VAV2: variants seen among roughly 807,000 people sequenced by gnomAD.
VAV2 encodes the protein vav guanine nucleotide exchange factor 2, also known as guanine nucleotide exchange factor VAV2.
A neutral mutation model predicts 132.5 loss-of-function variants in VAV2; 67 were observed. That is an observed-to-expected ratio of 0.51 (90% confidence interval 0.42 to 0.62). The LOEUF (loss-of-function observed/expected upper bound fraction) is 0.62, where lower values mean the gene tolerates loss of function less well. VAV2 is among the 20% of genes least tolerant of loss of function. The probability of loss-of-function intolerance (pLI) is 0.00; values close to 1 mark genes in which losing one functional copy is unlikely to be tolerated. For synonymous variants in VAV2, 492 were observed against 443.5 expected, an observed-to-expected ratio of 1.11 and a Z score of -1.37; for missense variants, 938 against 1,153.6, an observed-to-expected ratio of 0.81 and a Z score of 2.71.
chr9:133,924,404 C>T (rs1402601428), intron 2 of VAV2, among the ~76,000 whole-genome samples: 1 of 152,186 alleles, frequency 6.6e-6, no homozygotes, highest in African/African-American at 2.4e-5. Flanking sequence ...CCAGGCTGGT[C>T]TCGAACTCCT....
rs897057211 is a variant in VAV2 at position 133,833,100 on chromosome 9, T to C, written c.449+1172A>G. On this transcript the variant is annotated intron_variant, in intron 4 of 29. Coordinates refer to ENST00000371850, the MANE Select transcript of VAV2 (RefSeq NM_001134398.2). The surrounding 1 kb of genome is among the most constrained non-coding windows in gnomAD (Gnocchi z 5.6). ...GCCCAGCATCAAAGGGATGGGCTGG[T>C]GGCAGCTACTCCAGCTGGTGGGTGA... Among the ~76,000 whole-genome samples, 38 of 152,158 alleles carry C rather than the reference T, an allele frequency of 2.5e-4. No individual in the cohort carries two copies. The highest frequency in any genetic ancestry group is 8.9e-4 in the African/African-American group (37 of 41,444).
intron 9 of VAV2, among the ~76,000 whole-genome samples, chr9:133,800,485 C>G (rs934959495): frequency 6.6e-6 from 1 of 152,204 alleles, no homozygotes; most frequent in Non-Finnish European, 1.5e-5. Flanking sequence ...CGCTCGGGCC[C>G]GAGGGACACC....
At chr9:133,930,642 C>G (rs930713473) in intron 2 of VAV2, among the ~76,000 whole-genome samples, 8 of 152,220 alleles carry the variant, frequency 5.3e-5, no homozygotes, top group Admixed American at 1.3e-4. Flanking sequence ...TCCACTGTAC[C>G]GCAGAGCACA....
At chr9:133,849,468 G>A (rs1013034645) in intron 3 of VAV2, among the ~76,000 whole-genome samples, 2 of 152,226 alleles carry the variant, frequency 1.3e-5, no homozygotes, top group African/African-American at 4.8e-5. Flanking sequence ...CTGAGGAGGC[G>A]TGGCTGAGGG....
intron 1 of VAV2, among the ~76,000 whole-genome samples, chr9:133,977,178 A>G (rs1347599524): frequency 6.6e-6 from 1 of 152,204 alleles, no homozygotes; most frequent in Non-Finnish European, 1.5e-5. Context: ...CTTCAGGCAG[A>G]GTGAGGCCCC....
intron 29 of VAV2, among the ~76,000 whole-genome samples, chr9:133,766,796 C>CA (rs902320775): frequency 4.3e-5 from 4 of 92,700 alleles, no homozygotes; most frequent in African/African-American, 8.6e-5. Flanking sequence ...ATCCCAAAAA[C>CA]AAAAAAACAA....
In VAV2 at chr9:133,783,717, C is replaced by T. The variant is rs1031945971; in HGVS notation, c.1635-126G>A. The T allele has an allele frequency of 2.4e-5, 19 of 791,344 alleles. No homozygotes were observed. The East Asian group carries it at 4.3e-4, about 18-fold the overall frequency. 49.0% of individuals were successfully genotyped at this position (791,344 alleles called of 1,614,324 possible). On this transcript the variant is annotated intron_variant, in intron 18 of 29. Transcript: ENST00000371850. ...TGGCTGTCTCCCAGCACACACATCC[C>T]TCATAGCCCTGAGTATCCAGGACCC...
In VAV2 at chr9:133,970,175, C is replaced by G. The variant is rs534229650; in HGVS notation, c.204+21900G>C. Among the ~76,000 whole-genome samples, 4 of 152,306 alleles carry G rather than the reference C, an allele frequency of 2.6e-5. No individual in the cohort carries two copies. The South Asian group carries it at 8.3e-4, about 32-fold the overall frequency. ...GAAGGAGAGACCGAGTCTCAACCAT[C>G]TCTCCCTTGCCCCAAGGGCCAATCA... On this transcript the variant is annotated intron_variant, in intron 1 of 29. Coordinates refer to ENST00000371850, the MANE Select transcript of VAV2 (RefSeq NM_001134398.2).
At chr9:133,805,632 A>G (rs1417434043) in intron 9 of VAV2, among the ~76,000 whole-genome samples, 1 of 147,970 alleles carries the variant, frequency 6.8e-6, no homozygotes, top group South Asian at 2.2e-4. Flanking sequence ...CCTGGGCGTC[A>G]TCTAAGCCCC....
chr9:133,848,152 C>T (rs901989977), intron 3 of VAV2, among the ~76,000 whole-genome samples: 1 of 150,812 alleles, frequency 6.6e-6, no homozygotes, highest in African/African-American at 2.4e-5. Context: ...TAGTGGCGGG[C>T]GCCTGTAGTT....
chr9:133,978,268 T>G (rs1326001436), intron 1 of VAV2, among the ~76,000 whole-genome samples: 1 of 152,126 alleles, frequency 6.6e-6, no homozygotes, highest in African/African-American at 2.4e-5. Context: ...CCTCTCCTAC[T>G]CCAGCCACTG....
chr9:133,766,520 A>C (rs941391109), intron 29 of VAV2, among the ~76,000 whole-genome samples: 3 of 152,134 alleles, frequency 2.0e-5, no homozygotes, highest in Admixed American at 6.5e-5. Context: ...AACTATCACA[A>C]GGACAAAAAA....
intron 1 of VAV2, among the ~76,000 whole-genome samples, chr9:133,964,198 A>G (rs775995369): frequency 6.6e-6 from 1 of 150,946 alleles, no homozygotes; most frequent in Non-Finnish European, 1.5e-5. Flanking sequence ...TCTCTACAAA[A>G]CATACAAAAA....
intron 2 of VAV2, among the ~76,000 whole-genome samples, chr9:133,931,212 C>T (rs1351919882): frequency 6.6e-6 from 1 of 152,194 alleles, no homozygotes; most frequent in Non-Finnish European, 1.5e-5. Flanking sequence ...TGGGCCAGAG[C>T]TGAGTAAGGG....
rs1833517478 is a variant in VAV2 at position 133,768,674 on chromosome 9, T to A, written c.2435-78A>T. 1 of 1,529,228 alleles carries A rather than the reference T, an allele frequency of 6.5e-7. No homozygotes were observed. The highest frequency in any genetic ancestry group is 1.4e-5 in the African/African-American group (1 of 73,052). The allele number at this position is 1,529,228 out of a possible 1,614,324, so 94.7% of individuals were successfully genotyped here. On this transcript the variant is annotated intron_variant, in intron 28 of 29. Coordinates refer to ENST00000371850, the MANE Select transcript of VAV2 (RefSeq NM_001134398.2). This position sits in a 1 kb window ranked among gnomAD's most constrained non-coding sequence, Gnocchi z 5.3. Reference sequence around the variant, plus strand: ...GATCCAGGAGGCCCTTGGGCCAAGCTGGGTCTCTCCCCTGGTGCCCAGAAC... The same window carrying A: ...GATCCAGGAGGCCCTTGGGCCAAGCAGGGTCTCTCCCCTGGTGCCCAGAAC...
At chr9:133,940,234 A>G (rs1474151753) in intron 1 of VAV2, among the ~76,000 whole-genome samples, 1 of 152,074 alleles carries the variant, frequency 6.6e-6, no homozygotes, top group Non-Finnish European at 1.5e-5. Flanking sequence ...GGGGTGTGGG[A>G]GCCATCAGCC....
chr9:133,927,916 A>AC (rs915832719), intron 2 of VAV2: 1 of 151,872 alleles, frequency 6.6e-6, no homozygotes, highest in Non-Finnish European at 1.5e-5. Flanking sequence ...TGAGGCAAAG[A>AC]CCCATAGGCT....
rs1409784212 is a variant in VAV2, at chr9:133,768,727, G to A, written c.2435-131C>T. ...TGCTCTGTACCCAGAGAGGAAGGATGTCAAGCAGAAAGGCTCTGGAGGGAC... is the reference window on the plus strand; with the variant it reads ...TGCTCTGTACCCAGAGAGGAAGGATATCAAGCAGAAAGGCTCTGGAGGGAC... On this transcript the variant is annotated intron_variant, in intron 28 of 29. Transcript: ENST00000371850. This position sits in a 1 kb window ranked among gnomAD's most constrained non-coding sequence, Gnocchi z 5.3. 2.4e-6 allele frequency: 3 copies of A among 1,225,756 alleles called. No individual in the cohort carries two copies. Among genetic ancestry groups the A allele is most frequent in the Non-Finnish European group, 3.3e-6 (3 of 904,652 alleles). The allele number at this position is 1,225,756 out of a possible 1,614,324, so 75.9% of individuals were successfully genotyped here.
rs557180428 is a variant in VAV2, at chr9:133,801,478, ACT to A, written c.837-3671_837-3670del. The stretch of plus-strand genomic sequence containing the variant: ...CAGGGTGACGCCTCTGCAGAGGGAC[ACT>A]CTCTCTCCGTGGAGTCCAGAAGGAC... On this transcript the variant is annotated intron_variant, in intron 9 of 29. Coordinates refer to ENST00000371850, the MANE Select transcript of VAV2 (RefSeq NM_001134398.2). Among the ~76,000 whole-genome samples, 375 of 152,032 alleles carry A rather than the reference ACT, an allele frequency of 2.5e-3. 4 individuals are homozygous for A. Among genetic ancestry groups the A allele is most frequent in the African/African-American group, 8.6e-3 (358 of 41,464 alleles).
Sources: gnomAD v4.1 joint callset for allele counts (sites outside exome capture counted in the v4.1 genomes callset) on GRCh38, gnomAD v4.1.1 for gene constraint, Gnocchi (gnomAD v3.1) non-coding constraint, MANE v1.5 for transcripts, NCBI Gene and HGNC (gene_info 2026-07-23, HGNC 2026-07-21) for gene names.